UNC5D: variants seen among roughly 807,000 people sequenced by gnomAD.
UNC5D encodes the protein netrin receptor UNC5D.
Under a neutral mutation model 105.4 loss-of-function variants are expected in UNC5D, and 39 were observed. The ratio of observed to expected loss-of-function variants is 0.37; its 90% CI spans 0.29 to 0.48. The LOEUF is 0.48. UNC5D is among the 20% of genes least tolerant of loss of function. The pLI, the probability that UNC5D is intolerant of heterozygous loss-of-function variation, is 0.98. For synonymous variants in UNC5D, 452 were observed against 450.4 expected (o/e 1.00, Z -0.04); for missense variants, 991 against 1,202.4 (o/e 0.82, Z 2.60).
intron 2 of UNC5D, among the ~76,000 whole-genome samples, chr8:35,558,481 G>T (rs1816711925): frequency 6.6e-6 from 1 of 152,132 alleles, no homozygotes; most frequent in African/African-American, 2.4e-5. Context: ...CAAAATATGA[G>T]GGAGTATCTC....
chr8:35,779,834 A>G (rs6468340), intron 16 of UNC5D, among the ~76,000 whole-genome samples: 31,170 of 152,170 alleles, frequency 0.2, 9,095 homozygotes, highest in African/African-American at 0.65. Context: ...GATCTTGAAA[A>G]TGAGTCTTAA....
intron 1 of UNC5D, among the ~76,000 whole-genome samples, chr8:35,405,239 AGGTTGGGTGTATG>A (rs1379885549): frequency 6.6e-6 from 1 of 152,170 alleles, no homozygotes; most frequent in African/African-American, 2.4e-5. Flanking sequence ...GAGAAACTCA[AGGTTGGGTGTATG>A]GGGAGGCTAG....
chr8:35,533,445 T>C (rs1462435035), intron 1 of UNC5D, among the ~76,000 whole-genome samples: 3 of 152,104 alleles, frequency 2.0e-5, no homozygotes, highest in Non-Finnish European at 4.4e-5. Context: ...CACTGCTCTC[T>C]TCAAAGCTGT....
chr8:35,494,780 A>AT (rs1811441380), intron 1 of UNC5D, among the ~76,000 whole-genome samples: 1 of 152,156 alleles, frequency 6.6e-6, no homozygotes, highest in South Asian at 2.1e-4. Flanking sequence ...TTTGTGTGTG[A>AT]TTTTAGTTCT....
At chr8:35,465,956 T>C (rs901162752) in intron 1 of UNC5D, among the ~76,000 whole-genome samples, 3 of 152,124 alleles carry the variant, frequency 2.0e-5, no homozygotes, top group African/African-American at 7.2e-5. Flanking sequence ...TTCTAGAACC[T>C]GGAAAAGGCA....
intron 4 of UNC5D, among the ~76,000 whole-genome samples, chr8:35,625,202 A>G (rs1373992155): frequency 6.6e-6 from 1 of 152,192 alleles, no homozygotes; most frequent in Non-Finnish European, 1.5e-5. Flanking sequence ...TTGGTACAGT[A>G]TTATAAAATA....
intron 1 of UNC5D, among the ~76,000 whole-genome samples, chr8:35,281,449 T>G (rs1198189346): frequency 6.6e-6 from 1 of 152,054 alleles, no homozygotes; most frequent in East Asian, 1.9e-4. Context: ...AAACTCCTCT[T>G]CTTTTTTTGA....
rs1218936228 is a variant in UNC5D, at chr8:35,335,990, C to G, written c.103+100103C>G. On this transcript the variant is annotated intron_variant, in intron 1 of 16. Transcript: ENST00000404895. ...GTGTTAGCCAGGATGGTGTCGATCT[C>G]CTGACCTCGTGATCCGCCTGCATTA... Among the ~76,000 whole-genome samples, 3 of 152,018 alleles carry G rather than the reference C, an allele frequency of 2.0e-5. 1 individual carries two copies. The highest frequency in any genetic ancestry group is 7.2e-5 in the African/African-American group (3 of 41,462).
intron 1 of UNC5D, among the ~76,000 whole-genome samples, chr8:35,346,394 A>C (rs968889226): frequency 1.3e-5 from 2 of 151,998 alleles, no homozygotes; most frequent in Non-Finnish European, 2.9e-5. Context: ...GGAACTTCAG[A>C]GTCTATTTTC....
intron 11 of UNC5D, among the ~76,000 whole-genome samples, chr8:35,737,154 CTAGATTT>C (rs1416306511): frequency 6.6e-6 from 1 of 152,038 alleles, no homozygotes; most frequent in Non-Finnish European, 1.5e-5. Flanking sequence ...GCCCTCGTCT[CTAGATTT>C]TAATGTTTCT....
intron 6 of UNC5D, among the ~76,000 whole-genome samples, chr8:35,685,374 G>A (rs570638473): frequency 2.6e-5 from 4 of 152,066 alleles, no homozygotes; most frequent in South Asian, 2.1e-4. Flanking sequence ...TTTATACAAC[G>A]ATAAATAGAT....
chr8:35,658,036 T>C (rs1428047997), intron 4 of UNC5D, among the ~76,000 whole-genome samples: 1 of 152,192 alleles, frequency 6.6e-6, no homozygotes, highest in African/African-American at 2.4e-5. Flanking sequence ...CAGGAAGGCA[T>C]CATAATATTA....
chr8:35,434,419 T>G (rs1344278039), intron 1 of UNC5D, among the ~76,000 whole-genome samples: 1 of 152,132 alleles, frequency 6.6e-6, no homozygotes, highest in Non-Finnish European at 1.5e-5. Flanking sequence ...TTTTAAATTT[T>G]TTTTTATTTT....
intron 2 of UNC5D, among the ~76,000 whole-genome samples, chr8:35,567,430 G>GGATT (rs1213069679): frequency 6.6e-6 from 1 of 152,100 alleles, no homozygotes; most frequent in Non-Finnish European, 1.5e-5. Flanking sequence ...CAAGATGGGA[G>GGATT]GATTACTTGA....
rs758753587 is a variant in UNC5D, at chr8:35,465,547, TC to T, written c.104-83743del. Among the ~76,000 whole-genome samples, 5 of 152,330 alleles carry T rather than the reference TC, an allele frequency of 3.3e-5. No individual in the cohort carries two copies. The East Asian group carries it at 5.8e-4, about 18-fold the overall frequency. On this transcript the variant is annotated intron_variant, in intron 1 of 16. Coordinates refer to ENST00000404895, the MANE Select transcript of UNC5D (RefSeq NM_080872.4). ...TGCTCAAAAGCCACATAAGTCTCAATCCTTTTCTTTTCAGTTGTATCCCTCC... is the reference window on the plus strand; with the variant it reads ...TGCTCAAAAGCCACATAAGTCTCAATCTTTTCTTTTCAGTTGTATCCCTCC...
intron 1 of UNC5D, among the ~76,000 whole-genome samples, chr8:35,239,023 C>T (rs182406495): frequency 1.5e-3 from 222 of 152,214 alleles, no homozygotes; most frequent in Admixed American, 3.3e-3. Flanking sequence ...TATTTCCTGC[C>T]AGACTTATTT....
At chr8:35,601,139 G>A (rs535346395) in intron 4 of UNC5D, among the ~76,000 whole-genome samples, 4 of 152,014 alleles carry the variant, frequency 2.6e-5, no homozygotes, top group South Asian at 4.2e-4. Flanking sequence ...TGAGGGCTCC[G>A]TTCTGTTCCA....
At chr8:35,652,037 CAG>C in intron 4 of UNC5D, among the ~76,000 whole-genome samples, 1 of 152,268 alleles carries the variant, frequency 6.6e-6, no homozygotes, top group South Asian at 2.1e-4. Flanking sequence ...AGCCAAATCT[CAG>C]AGTTTGGGCA....
intron 1 of UNC5D, among the ~76,000 whole-genome samples, chr8:35,409,987 C>T (rs1241088643): frequency 6.7e-6 from 1 of 149,156 alleles, no homozygotes; most frequent in African/African-American, 2.5e-5. Flanking sequence ...AAAAACTGTC[C>T]TTTCTCCATT....
Sources: allele counts gnomAD v4.1 joint callset (sites outside exome capture counted in the v4.1 genomes callset), GRCh38; gene constraint gnomAD v4.1.1; transcripts MANE v1.5; gene names NCBI Gene and HGNC (gene_info 2026-07-23, HGNC 2026-07-21).